Variants in DDRGK1 observed in about 807,000 individuals in gnomAD.
DDRGK1 encodes DDRGK domain-containing protein 1.
In DDRGK1, 38 loss-of-function variants were observed where a neutral mutation model predicts 45.8. That is an observed-to-expected ratio of 0.83 (90% CI 0.64 to 1.09). The LOEUF (loss-of-function observed/expected upper bound fraction) is 1.09, where lower values mean the gene tolerates loss of function less well. Among genes scored for constraint, DDRGK1 ranks in the 50% least tolerant of loss-of-function variants. DDRGK1 has a pLI of 0.00. For missense variants in DDRGK1, 403 were observed against 419.9 expected (o/e 0.96, Z 0.35); for synonymous variants, 171 against 168.7 (o/e 1.01, Z -0.11).
intron 1 of DDRGK1, 112 bp downstream of exon 1, chr20:3,204,425 C>A: frequency 9.0e-7 from 1 of 1,106,758 alleles, no homozygotes; most frequent in Non-Finnish European, 1.3e-6. Flanking sequence ...GACGCGCATG[C>A]GTCCCGCCCG....
chr20:3,204,375 G>A (rs1032544649), intron 1 of DDRGK1, among the ~76,000 whole-genome samples, 162 bp downstream of exon 1: 5 of 152,142 alleles, frequency 3.3e-5, no homozygotes, highest in Non-Finnish European at 7.4e-5. Flanking sequence ...TTCCAGGTAG[G>A]GCACTGCGGA....
Position 3,203,416 on chromosome 20 carries a change from G to A in DDRGK1, c.92C>T (p.Ala31Val), listed in dbSNP as rs745450454. Residue 31 changes from alanine (A) to valine (V), a missense_variant and splice_region_variant, in exon 2 of 9, where the codon GCC becomes GTC. Physicochemically the swap from Ala to Val is moderately conservative, Grantham distance 64. Transcript: ENST00000354488. ...LTRSRGRAAS[A>V]GQEPLHNEEL... is the part of the protein sequence containing the mutation. ...CTCATTGTGCAGTGGCTCTTGGCCG[G>A]CTGTAGGGAAGACAGAAATGACAAT... is the stretch of plus-strand genomic sequence containing the variant. 1.3e-5 allele frequency: 20 copies of A among 1,555,200 alleles called. No individual in the cohort carries two copies. In the South Asian group the frequency reaches 2.1e-4, roughly 17 times the overall value.
At chr20:3,198,415 A>T (rs2067021159) in intron 4 of DDRGK1, among the ~76,000 whole-genome samples, 1 of 150,288 alleles carries the variant, frequency 6.7e-6, no homozygotes, top group South Asian at 2.1e-4. Context: ...AAAAAAAAAA[A>T]AAAAGCCTGG....
Position 3,203,349 on chromosome 20 carries a change from C to T in DDRGK1, c.159G>A (p.Leu53=). 1 of 1,608,854 alleles carries T rather than the reference C, an allele frequency of 6.2e-7. No individual in the cohort carries two copies. Among genetic ancestry groups the T allele is most frequent in the Non-Finnish European group, 8.5e-7 (1 of 1,177,340 alleles). ...CTCCAGCTCTCGGCTCCTCAGGCTC[C>T]AGGGGCCCAGGCTGGGCCACCCGGC... ...GAGRVAQPGP[L]EPEEPRAGGR... The change falls in exon 2 of 9, where the codon CTG becomes CTA. Residue 53 remains leucine, a synonymous_variant. Transcript: ENST00000354488.
intron 4 of DDRGK1, among the ~76,000 whole-genome samples, chr20:3,197,308 A>T (rs751622955): frequency 6.6e-6 from 1 of 151,972 alleles, no homozygotes; most frequent in Non-Finnish European, 1.5e-5. Flanking sequence ...AGATTTCCAT[A>T]TAATTTATGT....
At chr20:3,196,513 T>TA (rs11382727) in intron 4 of DDRGK1, among the ~76,000 whole-genome samples, 90,870 of 144,008 alleles carry the variant, frequency 0.63, 29,021 homozygotes, top group Middle Eastern at 0.75. Flanking sequence ...CTGTCTCCAC[T>TA]AAAAATACAA....
Position 3,190,594 on chromosome 20 carries a change from T to C in DDRGK1, c.*59A>G. The C allele has an allele frequency of 1.9e-6, 3 of 1,587,384 alleles. No individual in the cohort carries two copies. The highest frequency in any genetic ancestry group is 1.3e-5 in the African/African-American group (1 of 74,394). Reference sequence around the variant, plus strand: ...ACTTCCCCAGGATGGTGGGGAGGGATGAAGATGTATAGCCAGGTAGGCCAC... The same window carrying C: ...ACTTCCCCAGGATGGTGGGGAGGGACGAAGATGTATAGCCAGGTAGGCCAC... On this transcript the variant is annotated 3_prime_UTR_variant, in exon 9 of 9. Coordinates refer to ENST00000354488, the MANE Select transcript of DDRGK1 (RefSeq NM_023935.3).
intron 6 of DDRGK1, 43 bp downstream of exon 6, chr20:3,194,787 A>G (rs1600472057): frequency 2.5e-6 from 4 of 1,613,548 alleles, no homozygotes; most frequent in Non-Finnish European, 3.4e-6. Context: ...TGCACATGCC[A>G]GGCAGGGAGC....
In DDRGK1 at chr20:3,195,319, G is replaced by A; in HGVS notation, c.545C>T (p.Ala182Val). Residue 182 changes from alanine to valine, a missense_variant, in exon 5 of 9, where the codon GCC becomes GTC. Physicochemically the swap from Ala to Val is moderately conservative, Grantham distance 64 (BLOSUM62 0). Transcript: ENST00000354488. ...EEERKAREEQ[A>V]QREHEEYLKL... ...CAGGTACTCCTCATGCTCCCGCTGGGCCTGCTCCTCGCGGGCCTTCCTCTC... is the reference window on the plus strand; with the variant it reads ...CAGGTACTCCTCATGCTCCCGCTGGACCTGCTCCTCGCGGGCCTTCCTCTC... 1 of 1,611,100 alleles carries A rather than the reference G, an allele frequency of 6.2e-7. No individual in the cohort carries two copies. The highest frequency in any genetic ancestry group is 8.5e-7 in the Non-Finnish European group (1 of 1,178,592).
chr20:3,190,551 C>T lies in DDRGK1; in HGVS notation c.*102G>A. 1.4e-6 allele frequency: 2 copies of T among 1,444,880 alleles called. No individual in the cohort carries two copies. Among genetic ancestry groups the T allele is most frequent in the Non-Finnish European group, 1.9e-6 (2 of 1,056,340 alleles). The allele number at this position is 1,444,880 out of a possible 1,614,324, so 89.5% of individuals were successfully genotyped here. A position where few individuals can be genotyped will look rare whatever the true frequency, so the allele number is the denominator to read the frequency against. On this transcript the variant is annotated 3_prime_UTR_variant, in exon 9 of 9. Transcript: ENST00000354488. ...GTACTCACAGGCCTTTAATCTATAACTGCCTGGCCACACCATCACTTCCCC... is the reference window on the plus strand; with the variant it reads ...GTACTCACAGGCCTTTAATCTATAATTGCCTGGCCACACCATCACTTCCCC...
chr20:3,203,863 C>T (rs1465818380), intron 1 of DDRGK1, among the ~76,000 whole-genome samples: 1 of 150,008 alleles, frequency 6.7e-6, no homozygotes, highest in African/African-American at 2.5e-5. Flanking sequence ...GTCCCTTCCG[C>T]TCCTGGGAGC....
At chr20:3,192,523 A>G (rs1014081369) in intron 6 of DDRGK1, among the ~76,000 whole-genome samples, 5 of 152,058 alleles carry the variant, frequency 3.3e-5, no homozygotes, top group East Asian at 1.9e-4. Flanking sequence ...ACACACCCAC[A>G]CTTTTTATCC....
Position 3,199,431 on chromosome 20 carries a change from A to G in DDRGK1, c.510+570T>C, listed in dbSNP as rs532359342. On this transcript the variant is annotated intron_variant, in intron 4 of 8. Coordinates refer to ENST00000354488, the MANE Select transcript of DDRGK1 (RefSeq NM_023935.3). ...TTCCTGCCATCCAGGATCCTGGGACAACAGGTCAGTCAGAGGTCACAGGTC... is the reference window on the plus strand; with the variant it reads ...TTCCTGCCATCCAGGATCCTGGGACGACAGGTCAGTCAGAGGTCACAGGTC... 3.5e-4 allele frequency among the ~76,000 whole-genome samples: 53 copies of G among 152,326 alleles called. No individual in the cohort carries two copies. The South Asian group carries it at 0.011, about 31-fold the overall frequency.
intron 4 of DDRGK1, among the ~76,000 whole-genome samples, chr20:3,199,752 G>A (rs915051722): frequency 1.3e-5 from 2 of 152,056 alleles, no homozygotes; most frequent in African/African-American, 2.4e-5. Flanking sequence ...TATCCTCCTC[G>A]CCTCGCGTTC....
At position 3,190,780 on chromosome 20, in the gene DDRGK1, G is replaced by A. The variant is rs1052913469; in HGVS notation, c.818C>T (p.Pro273Leu). 1.9e-6 allele frequency: 3 copies of A among 1,613,908 alleles called. No individual in the cohort carries two copies. Among genetic ancestry groups the A allele is most frequent in the African/African-American group, 1.3e-5 (1 of 75,070 alleles). ...DDRGKFIYITPEELAAVANFI... is the reference protein window; with the variant it reads ...DDRGKFIYITLEELAAVANFI... ...GTTGGCCACGGCGGCCAGTTCCTCT[G>A]GGGTTATGTAGATGAACTTGCCCCG... is the stretch of plus-strand genomic sequence containing the variant. Residue 273 changes from proline to leucine, a missense_variant, in exon 9 of 9, where the codon CCA becomes CTA. Pro to Leu is a moderately conservative substitution (Grantham distance 98). Transcript: ENST00000354488.
At chr20:3,197,303 T>A (rs1057310388) in intron 4 of DDRGK1, among the ~76,000 whole-genome samples, 1 of 151,768 alleles carries the variant, frequency 6.6e-6, no homozygotes, top group African/African-American at 2.4e-5. Flanking sequence ...GTAAGAGATT[T>A]CCATATAATT....
chr20:3,197,224 G>GAAAA (rs34672443), intron 4 of DDRGK1, among the ~76,000 whole-genome samples: 16 of 74,538 alleles, frequency 2.1e-4, no homozygotes, highest in East Asian at 8.8e-4. Context: ...CTCCATCTCA[G>GAAAA]AAAAAAAAAA....
chr20:3,200,263 C>T (rs1721289739), intron 3 of DDRGK1, 79 bp downstream of exon 3: 7 of 1,482,522 alleles, frequency 4.7e-6, no homozygotes, highest in Admixed American at 4.0e-5. Context: ...AGGCAACAAG[C>T]CCTCAGTCTG....
At chr20:3,204,473 C>A (rs2067056838) in intron 1 of DDRGK1, 64 bp downstream of exon 1, 2 of 1,494,850 alleles carry the variant, frequency 1.3e-6, no homozygotes, top group South Asian at 2.4e-5. Flanking sequence ...GCGCGACGGT[C>A]CACAAAGGCT....
Sources: gnomAD v4.1 joint callset for allele counts (sites outside exome capture counted in the v4.1 genomes callset) on GRCh38, gnomAD v4.1.1 for gene constraint, MANE v1.5 for transcripts, NCBI Gene and HGNC (gene_info 2026-07-23, HGNC 2026-07-21) for gene names.